The following SERPINA12 variants were observed in gnomAD, a reference collection of about 807,000 sequenced individuals.
The protein encoded by SERPINA12 is serpin family A member 12.
A neutral mutation model predicts 25.9 loss-of-function variants in SERPINA12; 21 were observed. The ratio of observed to expected loss-of-function variants is 0.81; its 90% CI spans 0.58 to 1.17. The LOEUF (loss-of-function observed/expected upper bound fraction) is 1.17. Among genes scored for constraint, SERPINA12 ranks in the 50% most tolerant of loss-of-function variants. The probability of loss-of-function intolerance (pLI) is 0.00; values close to 1 mark genes in which losing one functional copy is unlikely to be tolerated. For missense variants in SERPINA12, 562 were observed against 508.3 expected (o/e 1.11, Z -1.02); for synonymous variants, 220 against 196.0 (o/e 1.12, Z -1.02).
At chr14:94,511,764 T>C, upstream of SERPINA12, 1 of 964,752 alleles carries the variant, frequency 1.0e-6, no homozygotes, top group Non-Finnish European at 1.2e-6. Flanking sequence ...AAGCCAGGTG[T>C]GGGGGAGAGA....
intron 1 of SERPINA12, among the ~76,000 whole-genome samples, chr14:94,499,143 T>G (rs1334881105): frequency 6.6e-6 from 1 of 152,326 alleles, no homozygotes; most frequent in Non-Finnish European, 1.5e-5. Context: ...GAATTATGAC[T>G]AATTTACAGA....
chr14:94,489,958 C>T (rs577565479), intron 3 of SERPINA12, among the ~76,000 whole-genome samples, 191 bp from the exon 4 acceptor site: 3 of 152,242 alleles, frequency 2.0e-5, no homozygotes, highest in East Asian at 1.9e-4. Flanking sequence ...CTCTCTGAAC[C>T]GTGTCCCTGC....
At position 94,503,276 on chromosome 14, in the gene SERPINA12, C is replaced by A. The variant is rs547671941; in HGVS notation, c.-33-4846G>T. On this transcript the variant is annotated intron_variant, in intron 1 of 4. Coordinates refer to ENST00000677451, the MANE Select transcript of SERPINA12 (RefSeq NM_001382267.1). ...AAACTCTGATGACCACAGCAATATA[C>A]TTTCTCCTCCTTTCTGGAAAACAAA... 9.7e-5 allele frequency: 96 copies of A among 985,182 alleles called. No individual in the cohort carries two copies. The African/African-American group carries it at 1.6e-3, about 17-fold the overall frequency. The allele number at this position is 985,182 out of a possible 1,614,324, so 61.0% of individuals were successfully genotyped here.
At chr14:94,491,422 C>T in intron 3 of SERPINA12, among the ~76,000 whole-genome samples, 1 of 151,772 alleles carries the variant, frequency 6.6e-6, no homozygotes, top group East Asian at 1.9e-4. Context: ...GGGTTTTGAA[C>T]AGAGGAGTGA....
At chr14:94,511,599 A>T, upstream of SERPINA12, 1 of 985,398 alleles carries the variant, frequency 1.0e-6, no homozygotes, top group Non-Finnish European at 1.2e-6. Flanking sequence ...CACCACCTTC[A>T]GTTTTCCATC....
chr14:94,509,287 C>T (rs1160980056), intron 1 of SERPINA12, among the ~76,000 whole-genome samples, 55 bp downstream of exon 1: 1 of 145,050 alleles, frequency 6.9e-6, no homozygotes, highest in Non-Finnish European at 1.5e-5. Context: ...ACAACACACA[C>T]ACACACACAC....
chr14:94,514,790 T>C (rs1224991662), intron 2 of SERPINA12, among the ~76,000 whole-genome samples: 1 of 152,028 alleles, frequency 6.6e-6, no homozygotes, highest in Non-Finnish European at 1.5e-5. Context: ...TTTGAGTCTG[T>C]AGTTATTTGA....
At chr14:94,501,859 A>G (rs1325139979) in intron 1 of SERPINA12, among the ~76,000 whole-genome samples, 2 of 152,100 alleles carry the variant, frequency 1.3e-5, no homozygotes, top group Non-Finnish European at 2.9e-5. Context: ...TCCATCTGTC[A>G]TCACGGGCTT....
intron 3 of SERPINA12, 127 bp from the exon 4 acceptor site, chr14:94,489,894 C>T (rs1265196438): frequency 2.2e-6 from 2 of 919,568 alleles, no homozygotes; most frequent in African/African-American, 1.6e-5. Flanking sequence ...TCTCCATCCA[C>T]AGAATGAGGA....
intron 4 of SERPINA12, 23 bp downstream of exon 4, chr14:94,489,597 G>A (rs1031070092): frequency 2.5e-6 from 4 of 1,612,134 alleles, no homozygotes; most frequent in African/African-American, 1.3e-5. Context: ...GCAGGGAGTG[G>A]AGTCCAGGCT....
rs563829990 is a variant in SERPINA12, at chr14:94,493,123, G to A, written c.905+3250C>T. 5.9e-5 allele frequency among the ~76,000 whole-genome samples: 9 copies of A among 152,318 alleles called. No individual in the cohort carries two copies. The East Asian group carries it at 1.4e-3, about 23-fold the overall frequency. ...CAGAAAGAATGCATAGGGATAGCCCGTCCACCTCTGCTCTCCCATAGCGGG... is the reference window on the plus strand; with the variant it reads ...CAGAAAGAATGCATAGGGATAGCCCATCCACCTCTGCTCTCCCATAGCGGG... On this transcript the variant is annotated intron_variant, in intron 3 of 4. Coordinates refer to ENST00000677451, the MANE Select transcript of SERPINA12 (RefSeq NM_001382267.1).
At chr14:94,505,886 C>T (rs1018580737) in intron 1 of SERPINA12, among the ~76,000 whole-genome samples, 12 of 152,302 alleles carry the variant, frequency 7.9e-5, no homozygotes, top group African/African-American at 2.2e-4. Flanking sequence ...GGTGGGCTGC[C>T]GGCCAGCCAG....
chr14:94,503,467 A>G (rs1279771865), intron 1 of SERPINA12: 1 of 246,234 alleles, frequency 4.1e-6, no homozygotes. Flanking sequence ...TCTCAGCCCA[A>G]CAAGCCCCAC....
At chr14:94,509,641 C>T (rs1213515067), upstream of SERPINA12, among the ~76,000 whole-genome samples, 2 of 152,170 alleles carry the variant, frequency 1.3e-5, no homozygotes, top group African/African-American at 4.8e-5. Context: ...CCTTCCTCAC[C>T]CCTTGGGAAA....
chr14:94,488,771 CTATGCAGCATATGCTTATGCCAACTCA>C (rs1375459932), intron 4 of SERPINA12, among the ~76,000 whole-genome samples: 1 of 152,198 alleles, frequency 6.6e-6, no homozygotes, highest in Non-Finnish European at 1.5e-5. Flanking sequence ...TCATCTCTTC[CTATGCAGCATATGCTTATGCCAACTCA>C]TATGAAACAT....
rs769107451 is a variant in SERPINA12, at chr14:94,497,823, A to G, written c.575T>C (p.Leu192Pro). The change falls in exon 2 of 5, where the codon CTG becomes CCG. Residue 192 changes from leucine to proline, a missense_variant. Leu to Pro is a moderately conservative substitution (Grantham distance 98). Transcript: ENST00000677451. The part of the protein sequence containing the change: ...SQKTHGKINN[L>P]IENIDPGTVM... ...AGTGCCGGGGTCTATATTCTCGATCAGGTTGTTAATTTTCCCATGGGTTTT... is the reference window on the plus strand; with the variant it reads ...AGTGCCGGGGTCTATATTCTCGATCGGGTTGTTAATTTTCCCATGGGTTTT... The G allele has an allele frequency of 6.2e-7, 1 of 1,614,054 alleles. No individual in the cohort carries two copies. Among genetic ancestry groups the G allele is most frequent in the South Asian group, 1.1e-5 (1 of 91,028 alleles).
chr14:94,489,731 C>G lies in SERPINA12; in HGVS notation c.942G>C (p.Thr314=). 1.2e-6 allele frequency: 2 copies of G among 1,614,090 alleles called. No individual in the cohort carries two copies. The highest frequency in any genetic ancestry group is 1.6e-4 in the Middle Eastern group (1 of 6,062). ...GAGTCTTCTTCAGGTCGAAGGTGCCCGTCATGTGGAGTCTGGGTACAGACA... is the reference window on the plus strand; with the variant it reads ...GAGTCTTCTTCAGGTCGAAGGTGCCGGTCATGTGGAGTCTGGGTACAGACA... ...VDVSVPRLHM[T]GTFDLKKTLS... is the part of the protein sequence containing the mutation. The change falls in exon 4 of 5, where the codon ACG becomes ACC. Residue 314 remains threonine (T), a synonymous_variant. Coordinates refer to ENST00000677451, the MANE Select transcript of SERPINA12 (RefSeq NM_001382267.1).
chr14:94,502,836 C>T (rs924841529), intron 1 of SERPINA12, among the ~76,000 whole-genome samples: 3 of 152,238 alleles, frequency 2.0e-5, no homozygotes, highest in Admixed American at 6.5e-5. Flanking sequence ...ATGCTTCCTA[C>T]ACTTGGCTGC....
intron 3 of SERPINA12, among the ~76,000 whole-genome samples, chr14:94,491,562 G>C (rs890751080): frequency 2.0e-5 from 3 of 152,114 alleles, no homozygotes; most frequent in Non-Finnish European, 4.4e-5. Context: ...AGCTAGTGTG[G>C]TAGTCACATG....
Sources: gnomAD v4.1 joint callset for allele counts (sites outside exome capture counted in the v4.1 genomes callset) on GRCh38, gnomAD v4.1.1 for gene constraint, MANE v1.5 for transcripts, NCBI Gene and HGNC (gene_info 2026-07-23, HGNC 2026-07-21) for gene names.